The following DOCK6 variants were observed in gnomAD, a reference collection of about 807,000 sequenced individuals.
DOCK6 encodes dedicator of cytokinesis 6, also known as dedicator of cytokinesis protein 6.
Under a neutral mutation model 230.3 loss-of-function variants are expected in DOCK6, and 167 were observed. That is an observed-to-expected ratio of 0.73 (90% confidence interval 0.64 to 0.82). DOCK6 has a LOEUF of 0.82. Among genes scored for constraint, DOCK6 ranks in the 40% least tolerant of loss-of-function variants. The pLI is 0.00. For missense variants in DOCK6, 2,598 were observed against 2,825.8 expected, an observed-to-expected ratio of 0.92 and a Z score of 1.83; for synonymous variants, 1,148 against 1,185.0, an observed-to-expected ratio of 0.97 and a Z score of 0.64.
chr19:11,248,182 G>C lies in DOCK6; in HGVS notation c.721-31C>G, dbSNP rs148312284. On this transcript the variant is annotated intron_variant, in intron 6 of 47. Transcript: ENST00000294618. ...AAGAGTGGGGGGTGGGAGCTGGGCG[G>C]GAGGAGCTGGGACATCCTCCAGGAA... is the stretch of plus-strand genomic sequence containing the variant. The C allele has an allele frequency of 5.9e-4, 886 of 1,510,622 alleles. 10 individuals are homozygous for C. The African/African-American group carries it at 0.011, about 18-fold the overall frequency. 93.6% of individuals were successfully genotyped at this position (1,510,622 alleles called of 1,614,324 possible).
At position 11,199,491 on chromosome 19, in the gene DOCK6, G is replaced by A. The variant is rs778231673; in HGVS notation, c.*6C>T. On this transcript the variant is annotated 3_prime_UTR_variant, in exon 48 of 48. Transcript: ENST00000294618. Reference sequence around the variant, plus strand: ...TCCTCTAGGTACAGCTTTGGTCCTTGTGGGCTCAGAGGTCTGCCTTTCGGA... The same window carrying A: ...TCCTCTAGGTACAGCTTTGGTCCTTATGGGCTCAGAGGTCTGCCTTTCGGA... The A allele has an allele frequency of 5.1e-6, 8 of 1,580,300 alleles. No homozygotes were observed. The African/African-American group carries it at 8.1e-5, about 16-fold the overall frequency.
chr19:11,225,901 A>C (rs1479210808), intron 24 of DOCK6, among the ~76,000 whole-genome samples: 1 of 149,518 alleles, frequency 6.7e-6, no homozygotes, highest in African/African-American at 2.5e-5. Flanking sequence ...AAAATTGCCA[A>C]GTATGTTGGC....
In DOCK6 at chr19:11,233,249, G is replaced by A; in HGVS notation, c.2672C>T (p.Ala891Val). The change falls in exon 22 of 48, where the codon GCC becomes GTC. Residue 891 changes from alanine (A) to valine (V), a missense_variant. Physicochemically the swap from Ala to Val is moderately conservative, Grantham distance 64. Coordinates refer to ENST00000294618, the MANE Select transcript of DOCK6 (RefSeq NM_020812.4). ...AACCTCGTCATCCACAGAGCCAGGG[G>A]CCACGGCGAGGTCAGGGTTGCTGCT... Reference protein sequence around the residue: ...ISSSNPDLAVAPGSVDDEVSR... With the variant: ...ISSSNPDLAVVPGSVDDEVSR... 1 of 1,613,894 alleles carries A rather than the reference G, an allele frequency of 6.2e-7. No individual in the cohort carries two copies. The highest frequency in any genetic ancestry group is 8.5e-7 in the Non-Finnish European group (1 of 1,179,868).
Position 11,216,768 on chromosome 19 carries a change from GA to G in DOCK6, c.3894+145del, listed in dbSNP as rs1325511272. The G allele has an allele frequency of 7.3e-6, 6 of 822,176 alleles. No homozygotes were observed. In the Admixed American group the frequency reaches 9.8e-5, roughly 13 times the overall value. The allele number at this position is 822,176 out of a possible 1,614,324, so 50.9% of individuals were successfully genotyped here. ...TGACTTTATTCCTTGCCTCAGCACA[GA>G]AACAGTCCACCCCTTTCCTCTCAGT... On this transcript the variant is annotated intron_variant, in intron 30 of 47. Transcript: ENST00000294618.
At chr19:11,239,337 G>A (rs1304339283) in intron 14 of DOCK6, among the ~76,000 whole-genome samples, 5 of 152,144 alleles carry the variant, frequency 3.3e-5, no homozygotes, top group East Asian at 3.8e-4. Flanking sequence ...TCATCATTGC[G>A]ATGCCTATTC....
intron 6 of DOCK6, among the ~76,000 whole-genome samples, chr19:11,248,584 C>T (rs2080071477): frequency 6.6e-6 from 1 of 152,064 alleles, no homozygotes; most frequent in African/African-American, 2.4e-5. Flanking sequence ...GGAAGTCCTC[C>T]CTGACCCCTG....
intron 39 of DOCK6, chr19:11,206,422 T>C (rs755770399): frequency 2.7e-5 from 4 of 149,462 alleles, no homozygotes; most frequent in Non-Finnish European, 5.9e-5. Flanking sequence ...AAAAAAAAAT[T>C]AGTTGGGTGT....
In DOCK6 at chr19:11,243,987, T is replaced by C; in HGVS notation, c.1024-105A>G. 1 of 1,264,148 alleles carries C rather than the reference T, an allele frequency of 7.9e-7. No individual in the cohort carries two copies. 78.3% of individuals were successfully genotyped at this position (1,264,148 alleles called of 1,614,324 possible). ...CCCCTCATGGGCCCTCGGACACTCC[T>C]AACATATGAAGGCCTTTGCTCCAAC... On this transcript the variant is annotated intron_variant, in intron 9 of 47. Coordinates refer to ENST00000294618, the MANE Select transcript of DOCK6 (RefSeq NM_020812.4). This position sits in a 1 kb window ranked among gnomAD's most constrained non-coding sequence, Gnocchi z 6.3.
rs377433826 is a variant in DOCK6 at position 11,252,568 on chromosome 19, C to T, written c.309-18G>A. On this transcript the variant is annotated intron_variant, in intron 3 of 47. Transcript: ENST00000294618. Reference sequence around the variant, plus strand: ...CCAGTTTTCTGCAGCAAAAGAAGATCAGGGTAAACAGAGACAAGGCCTCTG... The same window carrying T: ...CCAGTTTTCTGCAGCAAAAGAAGATTAGGGTAAACAGAGACAAGGCCTCTG... 6 of 1,613,746 alleles carry T rather than the reference C, an allele frequency of 3.7e-6. No individual in the cohort carries two copies. Among genetic ancestry groups the T allele is most frequent in the Non-Finnish European group, 5.1e-6 (6 of 1,179,878 alleles).
At chr19:11,239,459 C>T (rs958591704) in intron 14 of DOCK6, among the ~76,000 whole-genome samples, 2 of 152,220 alleles carry the variant, frequency 1.3e-5, no homozygotes, top group African/African-American at 4.8e-5. Context: ...CCCCAGGAAG[C>T]GTGATCCCGG....
Position 11,243,232 on chromosome 19 carries a change from G to A in DOCK6, c.1386+26C>T. The A allele has an allele frequency of 1.9e-6, 3 of 1,613,370 alleles. 1 individual carries two copies. The highest frequency in any genetic ancestry group is 3.3e-4 in the Middle Eastern group (2 of 6,060). On this transcript the variant is annotated intron_variant, in intron 12 of 47. Coordinates refer to ENST00000294618, the MANE Select transcript of DOCK6 (RefSeq NM_020812.4). This position sits in a 1 kb window ranked among gnomAD's most constrained non-coding sequence, Gnocchi z 6.3. ...CTAATGCAGCCAGCGGGGAGTGGGA[G>A]AGTCCCTGGCCCCAGGGTAGGACAC...
chr19:11,258,763 CTCT>C lies in DOCK6; in HGVS notation c.44+3631_44+3633del, dbSNP rs200600677. 6.8e-5 allele frequency among the ~76,000 whole-genome samples: 10 copies of C among 147,304 alleles called. No individual in the cohort carries two copies. In the East Asian group the frequency reaches 1.6e-3, roughly 24 times the overall value. The stretch of plus-strand genomic sequence containing the variant: ...CTATTCTTTAAACTTTTCTTTCTCT[CTCT>C]TTTTTTTTTCTTGAGACGGAGTCTC... On this transcript the variant is annotated intron_variant, in intron 1 of 47. Coordinates refer to ENST00000294618, the MANE Select transcript of DOCK6 (RefSeq NM_020812.4).
In DOCK6 at chr19:11,215,478, C is replaced by T. The variant is rs371089692; in HGVS notation, c.4022-7G>A. On this transcript the variant is annotated splice_region_variant and splice_polypyrimidine_tract_variant and intron_variant, in intron 31 of 47. Coordinates refer to ENST00000294618, the MANE Select transcript of DOCK6 (RefSeq NM_020812.4). Reference sequence around the variant, plus strand: ...TTCCCAAACGGGCTCCTCTCTGAGACGCGTGGGTGCACGATCACAGATGCG... The same window carrying T: ...TTCCCAAACGGGCTCCTCTCTGAGATGCGTGGGTGCACGATCACAGATGCG... 4.8e-5 allele frequency: 77 copies of T among 1,611,398 alleles called. 1 individual carries two copies. Among genetic ancestry groups the T allele is most frequent in the African/African-American group, 1.7e-4 (13 of 74,866 alleles).
At chr19:11,219,329 A>G (rs62129150) in intron 28 of DOCK6, among the ~76,000 whole-genome samples, 82,551 of 150,046 alleles carry the variant, frequency 0.55, 23,280 homozygotes, top group Non-Finnish European at 0.62. Context: ...GATTACAGGC[A>G]TGCAGCATCA....
In DOCK6 at chr19:11,200,417, CCTT is replaced by C. The variant is rs1380474769; in HGVS notation, c.5989_5991del (p.Lys1997del). The C allele has an allele frequency of 2.5e-6, 4 of 1,610,774 alleles. No homozygotes were observed. The highest frequency in any genetic ancestry group is 1.1e-5 in the South Asian group (1 of 90,092). Reference sequence around the variant, plus strand: ...TTGCGCTCCAGCTCACGGTGGTACTCCTTCTGGTCCGGCCCAATCAGGGCCTTA... The same window carrying C: ...TTGCGCTCCAGCTCACGGTGGTACTCCTGGTCCGGCCCAATCAGGGCCTTA... On this transcript the variant is annotated inframe_deletion, in exon 47 of 48. Transcript: ENST00000294618. This position sits in a 1 kb window ranked among gnomAD's most constrained non-coding sequence, Gnocchi z 4.3.
At position 11,200,697 on chromosome 19, in the gene DOCK6, TGG is replaced by T; in HGVS notation, c.5939+17_5939+18del. The T allele has an allele frequency of 6.2e-7, 1 of 1,603,442 alleles. No homozygotes were observed. On this transcript the variant is annotated intron_variant, in intron 46 of 47. Coordinates refer to ENST00000294618, the MANE Select transcript of DOCK6 (RefSeq NM_020812.4). This position sits in a 1 kb window ranked among gnomAD's most constrained non-coding sequence, Gnocchi z 4.3. Reference sequence around the variant, plus strand: ...GGTTAGGCAGACACGAGACCCCTCCTGGGGGGTTTTGCGCCTACTTCTTGCAG... The same window carrying T: ...GGTTAGGCAGACACGAGACCCCTCCTGGGGTTTTGCGCCTACTTCTTGCAG...
chr19:11,226,822 G>A (rs915017888), intron 24 of DOCK6, among the ~76,000 whole-genome samples: 2 of 152,230 alleles, frequency 1.3e-5, no homozygotes, highest in Non-Finnish European at 1.5e-5. Context: ...CAAGTCCACT[G>A]TCAGGGTCTC....
chr19:11,218,096 C>T (rs1188794028), intron 28 of DOCK6, among the ~76,000 whole-genome samples: 8 of 151,978 alleles, frequency 5.3e-5, no homozygotes, highest in African/African-American at 7.3e-5. Flanking sequence ...GTGATCTGCC[C>T]GTCTCAGCCT....
rs1423003638 is a variant in DOCK6 at position 11,208,569 on chromosome 19, G to C, written c.5088+117C>G. Reference sequence around the variant, plus strand: ...GCTGGGGTTACAGGCGTGAGCCACCGCGCCCAGCCTATTCTCCTTCTTTCT... The same window carrying C: ...GCTGGGGTTACAGGCGTGAGCCACCCCGCCCAGCCTATTCTCCTTCTTTCT... On this transcript the variant is annotated intron_variant, in intron 39 of 47. Transcript: ENST00000294618. 2.8e-6 allele frequency: 4 copies of C among 1,415,864 alleles called. No individual in the cohort carries two copies. In the East Asian group the frequency reaches 9.9e-5, roughly 35 times the overall value. 87.7% of individuals were successfully genotyped at this position (1,415,864 alleles called of 1,614,324 possible).
Sources: gnomAD v4.1 joint callset for allele counts (sites outside exome capture counted in the v4.1 genomes callset) on GRCh38, gnomAD v4.1.1 for gene constraint, Gnocchi (gnomAD v3.1) non-coding constraint, MANE v1.5 for transcripts, NCBI Gene and HGNC (gene_info 2026-07-23, HGNC 2026-07-21) for gene names.